The following MCF2L2 variants were observed in gnomAD, a reference collection of about 807,000 sequenced individuals.
MCF2L2 encodes MCF.2 cell line derived transforming sequence-like 2.
MCF2L2 carries 102 observed loss-of-function variants against 150.2 expected under a neutral mutation model. That is an observed-to-expected ratio of 0.68 (90% CI 0.58 to 0.80). MCF2L2 has a LOEUF of 0.80. MCF2L2 is among the 30% of genes least tolerant of loss of function. The probability of loss-of-function intolerance (pLI) is 0.00; values close to 1 mark genes in which losing one functional copy is unlikely to be tolerated. For missense variants in MCF2L2, 1,256 were observed against 1,372.8 expected, an observed-to-expected ratio of 0.91 and a Z score of 1.34; for synonymous variants, 465 against 491.3, an observed-to-expected ratio of 0.95 and a Z score of 0.71.
At chr3:183,396,892 C>A (rs1332627861) in intron 1 of MCF2L2, among the ~76,000 whole-genome samples, 1 of 152,106 alleles carries the variant, frequency 6.6e-6, no homozygotes, top group Non-Finnish European at 1.5e-5. Flanking sequence ...AACCACAAGC[C>A]AAGAAATAGC....
chr3:183,359,533 A>G (rs1712002752), intron 3 of MCF2L2, among the ~76,000 whole-genome samples: 1 of 152,194 alleles, frequency 6.6e-6, no homozygotes, highest in African/African-American at 2.4e-5. Context: ...CCTTGAACAC[A>G]CCTGAACTCA....
At chr3:183,403,312 C>A (rs1454192079) in intron 1 of MCF2L2, among the ~76,000 whole-genome samples, 1 of 152,100 alleles carries the variant, frequency 6.6e-6, no homozygotes, top group African/African-American at 2.4e-5. Context: ...GAAATTATAA[C>A]CAGCAAAAGA....
rs61731401 is a variant in MCF2L2, at chr3:183,276,956, C to T, written c.1778G>A (p.Ser593Asn). Residue 593 changes from serine (S) to asparagine (N), a missense_variant and splice_region_variant, in exon 15 of 30, where the codon AGT becomes AAT. Physicochemically the swap from Ser to Asn is conservative, Grantham distance 46. Coordinates refer to ENST00000328913, the MANE Select transcript of MCF2L2 (RefSeq NM_015078.4). Reference protein sequence around the residue: ...EDDETKFEVKSEEIFESHHER... With the variant: ...EDDETKFEVKNEEIFESHHER... ...ATGATGGCTTTCAAAGATTTCTTCACTCTGAAGTGAAAGAAATTTTGGTAA... is the reference window on the plus strand; with the variant it reads ...ATGATGGCTTTCAAAGATTTCTTCATTCTGAAGTGAAAGAAATTTTGGTAA... 8,136 of 1,598,250 alleles carry T rather than the reference C, an allele frequency of 5.1e-3. 334 individuals are homozygous for T. In the African/African-American group the frequency reaches 0.089, roughly 18 times the overall value.
At chr3:183,294,569 G>C (rs183168373) in intron 13 of MCF2L2, among the ~76,000 whole-genome samples, 1 of 146,114 alleles carries the variant, frequency 6.8e-6, no homozygotes, top group East Asian at 2.0e-4. Context: ...GTGTGTGTGT[G>C]TATATATATG....
intron 21 of MCF2L2, among the ~76,000 whole-genome samples, chr3:183,218,428 C>T (rs980959671): frequency 2.6e-5 from 4 of 151,928 alleles, no homozygotes; most frequent in African/African-American, 9.7e-5. Context: ...CACGAGGTCA[C>T]GAGATCGAGA....
At chr3:183,262,217 T>C (rs1725671409) in intron 15 of MCF2L2, among the ~76,000 whole-genome samples, 1 of 150,872 alleles carries the variant, frequency 6.6e-6, no homozygotes, top group Non-Finnish European at 1.5e-5. Flanking sequence ...TTTATGATAC[T>C]TTATTATATA....
rs571338693 is a variant in MCF2L2, at chr3:183,283,671, G to A, written c.1776+5449C>T. Among the ~76,000 whole-genome samples the A allele has an allele frequency of 9.9e-5, 15 of 151,964 alleles. No individual in the cohort carries two copies. Among genetic ancestry groups the A allele is most frequent in the Non-Finnish European group, 1.2e-4 (8 of 68,002 alleles). On this transcript the variant is annotated intron_variant, in intron 14 of 29. Transcript: ENST00000328913. This position sits in a 1 kb window ranked among gnomAD's most constrained non-coding sequence, Gnocchi z 4.2. ...TGAGTAGCTGGGATTACAGGTGCCC[G>A]CCACCATGCCCAGCTAATTTTTGTA...
intron 21 of MCF2L2, among the ~76,000 whole-genome samples, chr3:183,216,804 CATGTTG>C (rs1722962349): frequency 6.7e-6 from 1 of 150,062 alleles, no homozygotes; most frequent in South Asian, 2.1e-4. Context: ...GGAGTTTCGC[CATGTTG>C]ACCAGGCTGT....
At chr3:183,424,705 T>C (rs1334702891) in intron 1 of MCF2L2, among the ~76,000 whole-genome samples, 1 of 152,152 alleles carries the variant, frequency 6.6e-6, no homozygotes, top group African/African-American at 2.4e-5. Context: ...TCAGGAGTCA[T>C]CATGTCCCAC....
intron 1 of MCF2L2, among the ~76,000 whole-genome samples, chr3:183,395,116 T>C (rs768075428): frequency 1.4e-4 from 21 of 152,220 alleles, no homozygotes; most frequent in East Asian, 9.6e-4. Flanking sequence ...ATTACAGTCA[T>C]TAAAATCTCC....
chr3:183,374,703 A>AAAAT (rs1553790165), intron 3 of MCF2L2: 2 of 152,088 alleles, frequency 1.3e-5, no homozygotes, highest in African/African-American at 4.8e-5. Context: ...AAAGAAAGAA[A>AAAAT]AAATAGAAGC....
chr3:183,317,511 C>A (rs1032369358), intron 7 of MCF2L2, among the ~76,000 whole-genome samples: 4 of 152,146 alleles, frequency 2.6e-5, no homozygotes, highest in Admixed American at 6.5e-5. Context: ...AGGTGCCTGA[C>A]CTTCAACTCA....
chr3:183,360,216 TA>T (rs1172738856), intron 3 of MCF2L2, among the ~76,000 whole-genome samples: 1 of 152,086 alleles, frequency 6.6e-6, no homozygotes, highest in Non-Finnish European at 1.5e-5. Flanking sequence ...GCTTCTAAGA[TA>T]AAACCCACTG....
chr3:183,193,710 C>G (rs1348466167), intron 26 of MCF2L2, among the ~76,000 whole-genome samples: 1 of 152,206 alleles, frequency 6.6e-6, no homozygotes, highest in Non-Finnish European at 1.5e-5. Context: ...CTCACTACAG[C>G]TCCCTCCTTC....
intron 1 of MCF2L2, among the ~76,000 whole-genome samples, chr3:183,391,540 G>GT (rs1395085280): frequency 6.6e-6 from 1 of 152,172 alleles, no homozygotes; most frequent in Non-Finnish European, 1.5e-5. Flanking sequence ...ATTTAACAGT[G>GT]AAATGATATG....
At chr3:183,301,822 C>T (rs1728865949) in intron 10 of MCF2L2, among the ~76,000 whole-genome samples, 1 of 149,370 alleles carries the variant, frequency 6.7e-6, no homozygotes, top group African/African-American at 2.5e-5. Context: ...GAAAAGAAAG[C>T]CTGACACTAC....
In MCF2L2 at chr3:183,195,230, C is replaced by T. The variant is rs140534898; in HGVS notation, c.2910G>A (p.Met970Ile). The T allele has an allele frequency of 6.2e-7, 1 of 1,605,032 alleles. No individual in the cohort carries two copies. Among genetic ancestry groups the T allele is most frequent in the Non-Finnish European group, 8.5e-7 (1 of 1,177,198 alleles). The part of the protein sequence containing the change: ...IKDQGNPQFE[M>I]STSKGSGAGS... ...AAAAAATCAGTACTCACCTCGTGCT[C>T]ATTTCAAACTGTGGATTTCCTTGGT... The change falls in exon 26 of 30, where the codon ATG (methionine) becomes ATA (isoleucine). Residue 970 changes from methionine (M) to isoleucine (I), a missense_variant. Coordinates refer to ENST00000328913, the MANE Select transcript of MCF2L2 (RefSeq NM_015078.4).
At position 183,262,720 on chromosome 3, in the gene MCF2L2, G is replaced by C. The variant is rs142474175; in HGVS notation, c.1862+14152C>G. Among the ~76,000 whole-genome samples the C allele has an allele frequency of 1.3e-3, 196 of 151,556 alleles. 2 individuals carry two copies. The highest frequency in any genetic ancestry group is 4.4e-3 in the African/African-American group (182 of 41,340). The stretch of plus-strand genomic sequence containing the variant: ...GACAGGAGGTGAAGTCTTCAGGGTG[G>C]GGGGGACAGAGCCTGGGAGGGGGAG... On this transcript the variant is annotated intron_variant, in intron 15 of 29. Coordinates refer to ENST00000328913, the MANE Select transcript of MCF2L2 (RefSeq NM_015078.4).
At chr3:183,375,740 G>GT (rs1713155148) in intron 3 of MCF2L2, 1 of 152,154 alleles carries the variant, frequency 6.6e-6, no homozygotes, top group African/African-American at 2.4e-5. Context: ...CTATTCTAGT[G>GT]TATCAATTCT....
Sources: gnomAD v4.1 joint callset for allele counts (sites outside exome capture counted in the v4.1 genomes callset) on GRCh38, gnomAD v4.1.1 for gene constraint, Gnocchi (gnomAD v3.1) non-coding constraint, MANE v1.5 for transcripts, NCBI Gene and HGNC (gene_info 2026-07-23, HGNC 2026-07-21) for gene names.